Variants in AGMO observed in about 807,000 individuals in gnomAD.
AGMO encodes glyceryl-ether monooxygenase.
In AGMO, 75 loss-of-function variants were observed where a neutral mutation model predicts 60.2. That is an observed-to-expected ratio of 1.25 (90% CI 1.03 to 1.51). The LOEUF (loss-of-function observed/expected upper bound fraction) is 1.51, where lower values mean the gene tolerates loss of function less well. AGMO is among the 40% of genes most tolerant of loss of function. The pLI, the probability that AGMO is intolerant of heterozygous loss-of-function variation, is 0.00. For missense variants in AGMO, 763 were observed against 525.5 expected (o/e 1.45, Z -4.42); for synonymous variants, 261 against 177.1 (o/e 1.47, Z -3.76).
the AGMO span, among the ~76,000 whole-genome samples, chr7:15,125,989 G>A: frequency 6.6e-6 from 1 of 152,074 alleles, no homozygotes; most frequent in African/African-American, 2.4e-5. Context: ...ATATTAATTA[G>A]TAATGAATGC....
At chr7:15,134,345 A>T in the AGMO span, among the ~76,000 whole-genome samples, 1 of 150,614 alleles carries the variant, frequency 6.6e-6, no homozygotes, top group African/African-American at 2.4e-5. Flanking sequence ...AATTTTTGTA[A>T]TTTTTTTTTG....
At chr7:15,342,920 G>A (rs184701617) in intron 12 of AGMO, among the ~76,000 whole-genome samples, 1 of 151,630 alleles carries the variant, frequency 6.6e-6, no homozygotes, top group African/African-American at 2.4e-5. Flanking sequence ...GGTACTAAAA[G>A]GCTTCTCTGT....
intron 3 of AGMO, among the ~76,000 whole-genome samples, chr7:15,513,975 A>G (rs964631548): frequency 1.5e-4 from 23 of 152,106 alleles, no homozygotes; most frequent in African/African-American, 5.6e-4. Flanking sequence ...ACAGGGCTAA[A>G]CTTTTGGAGT....
chr7:15,373,740 G>T (rs891589549), intron 10 of AGMO, among the ~76,000 whole-genome samples: 2 of 152,024 alleles, frequency 1.3e-5, no homozygotes, highest in Non-Finnish European at 2.9e-5. Flanking sequence ...AAGATGATTT[G>T]ATAATATTTT....
rs541468963 is a variant in AGMO at position 15,529,735 on chromosome 7, A to G, written c.409+15037T>C. ...TATATATACTATATACTCTATATAT[A>G]TTCTATATATATATTTCTATATATA... On this transcript the variant is annotated intron_variant, in intron 3 of 12. Coordinates refer to ENST00000342526, the MANE Select transcript of AGMO (RefSeq NM_001004320.2). 1.7e-3 allele frequency among the ~76,000 whole-genome samples: 195 copies of G among 113,412 alleles called. 6 individuals carry two copies. Among genetic ancestry groups the G allele is most frequent in the Non-Finnish European group, 2.4e-3 (136 of 57,612 alleles). The allele number at this position is 113,412 out of a possible 152,430, so 74.4% of individuals were successfully genotyped here.
the AGMO span, among the ~76,000 whole-genome samples, chr7:15,149,288 C>T: frequency 3.7e-3 from 569 of 152,194 alleles, 5 homozygotes; most frequent in African/African-American, 0.013. Flanking sequence ...CTGTTGATCA[C>T]TTCTTTTAGC....
chr7:15,385,393 C>T, intron 10 of AGMO, 53 bp downstream of exon 10: 6 of 1,226,702 alleles, frequency 4.9e-6, no homozygotes, highest in Non-Finnish European at 5.9e-6. Flanking sequence ...TTTTCATTTT[C>T]AAACAAAGTA....
chr7:15,368,725 T>G (rs940480358), intron 10 of AGMO, among the ~76,000 whole-genome samples: 1 of 150,518 alleles, frequency 6.6e-6, no homozygotes, highest in Non-Finnish European at 1.5e-5. Context: ...CTGAGAAGCA[T>G]AAATAGAAGT....
At chr7:15,354,358 G>A (rs1470390789) in intron 12 of AGMO, among the ~76,000 whole-genome samples, 17 of 67,906 alleles carry the variant, frequency 2.5e-4, no homozygotes, top group African/African-American at 9.7e-4. Context: ...GTATATAGAC[G>A]TGTGTATATA....
At chr7:15,418,047 T>C (rs1393312893) in intron 5 of AGMO, among the ~76,000 whole-genome samples, 1 of 152,046 alleles carries the variant, frequency 6.6e-6, no homozygotes, top group East Asian at 1.9e-4. Flanking sequence ...TCAGGTTTTT[T>C]TGGAAAAAAA....
At chr7:15,397,077 C>T (rs1165266886) in intron 5 of AGMO, among the ~76,000 whole-genome samples, 3 of 152,140 alleles carry the variant, frequency 2.0e-5, no homozygotes, top group Non-Finnish European at 4.4e-5. Flanking sequence ...CAGTTGGCTT[C>T]ACCTGTCACT....
At chr7:15,374,153 A>C (rs1317696168) in intron 10 of AGMO, among the ~76,000 whole-genome samples, 4 of 152,180 alleles carry the variant, frequency 2.6e-5, no homozygotes, top group Non-Finnish European at 4.4e-5. Flanking sequence ...GCAATGTATA[A>C]TTATATGTGA....
chr7:15,440,382 A>G (rs1047417213), intron 3 of AGMO, among the ~76,000 whole-genome samples: 3 of 152,200 alleles, frequency 2.0e-5, no homozygotes, highest in African/African-American at 7.2e-5. Flanking sequence ...GAAGAATGAA[A>G]GTGAATCTGT....
chr7:15,360,024 G>C (rs892094440), intron 12 of AGMO, among the ~76,000 whole-genome samples: 6 of 152,206 alleles, frequency 3.9e-5, no homozygotes, highest in African/African-American at 7.2e-5. Flanking sequence ...GAGTGGTAAT[G>C]TTAGTTGTAC....
chr7:15,437,373 CAAATT>C (rs913015899), intron 3 of AGMO, among the ~76,000 whole-genome samples: 2 of 152,118 alleles, frequency 1.3e-5, no homozygotes, highest in African/African-American at 4.8e-5. Flanking sequence ...TATCAGAACA[CAAATT>C]AAGTATATCT....
chr7:15,355,116 G>T (rs535932303), intron 12 of AGMO, among the ~76,000 whole-genome samples: 2 of 152,152 alleles, frequency 1.3e-5, no homozygotes, highest in East Asian at 3.9e-4. Context: ...GTGAATTTGG[G>T]ATTAATTTTA....
intron 12 of AGMO, among the ~76,000 whole-genome samples, chr7:15,242,316 A>G (rs1478786554): frequency 2.0e-5 from 3 of 152,198 alleles, no homozygotes; most frequent in Admixed American, 6.5e-5. Context: ...TCATCTAGTT[A>G]ATGGATGGAT....
chr7:15,365,659 T>C (rs768549864), intron 11 of AGMO, 40 bp from the exon 12 acceptor site: 8 of 1,347,894 alleles, frequency 5.9e-6, no homozygotes, highest in Admixed American at 1.7e-5. Flanking sequence ...GCTTTAAATA[T>C]GCTCTTTATA....
chr7:15,134,897 C>A, the AGMO span, among the ~76,000 whole-genome samples: 6 of 152,022 alleles, frequency 3.9e-5, no homozygotes, highest in Admixed American at 2.6e-4. Flanking sequence ...ATAAAGTCAA[C>A]AGTGGAAACT....
Sources: gnomAD v4.1 joint callset for allele counts (sites outside exome capture counted in the v4.1 genomes callset) on GRCh38, gnomAD v4.1.1 for gene constraint, MANE v1.5 for transcripts, NCBI Gene and HGNC (gene_info 2026-07-23, HGNC 2026-07-21) for gene names.